The following AK5 variants were observed in gnomAD, a reference collection of about 807,000 sequenced individuals.
The protein encoded by AK5 is adenylate kinase 5, also known as adenylate kinase isoenzyme 5.
AK5 carries 27 observed loss-of-function variants against 69.5 expected under a neutral mutation model. The observed-to-expected ratio is 0.39, with a 90% CI of 0.29 to 0.54. AK5 has a LOEUF of 0.54. AK5 is among the 20% of genes least tolerant of loss of function. The probability of loss-of-function intolerance (pLI) is 0.71; values close to 1 mark genes in which losing one functional copy is unlikely to be tolerated. For missense variants in AK5, 531 were observed against 700.4 expected, an observed-to-expected ratio of 0.76 and a Z score of 2.73; for synonymous variants, 260 against 244.4, an observed-to-expected ratio of 1.06 and a Z score of -0.60.
chr1:77,297,692 T>C lies in AK5; in HGVS notation c.549T>C (p.Ile183=), dbSNP rs1395582229. 1.2e-6 allele frequency: 2 copies of C among 1,613,412 alleles called. No individual in the cohort carries two copies. Among genetic ancestry groups the C allele is most frequent in the Non-Finnish European group, 1.7e-6 (2 of 1,179,806 alleles). Residue 183 remains isoleucine, a synonymous_variant, in exon 4 of 14, where the codon ATT becomes ATC. Coordinates refer to ENST00000354567, the MANE Select transcript of AK5 (RefSeq NM_174858.3). ...STSSNRKWSL[I]AKIITTGELA... is the part of the protein sequence containing the mutation. ...GCAGCAATAGGAAATGGAGTCTTAT[T>C]GCCAAGATAATTACAACTGGAGAAT...
intron 8 of AK5, among the ~76,000 whole-genome samples, chr1:77,458,103 TAAA>T (rs35612924): frequency 4.9e-4 from 63 of 127,638 alleles, no homozygotes; most frequent in East Asian, 8.9e-4. Flanking sequence ...CCCCATTTCT[TAAA>T]AAAAAAAAAA....
In AK5 at chr1:77,367,597, G is replaced by A. The variant is rs530722808; in HGVS notation, c.891+27029G>A. 4.4e-3 allele frequency among the ~76,000 whole-genome samples: 223 copies of A among 50,808 alleles called. 6 individuals carry two copies. Among genetic ancestry groups the A allele is most frequent in the East Asian group, 7.8e-3 (18 of 2,322 alleles). The allele number at this position is 50,808 out of a possible 152,430, so 33.3% of individuals were successfully genotyped here. The stretch of plus-strand genomic sequence containing the variant: ...TATATATAATATATATGTTATATAT[G>A]TAATATATATGTAATATATATGTTA... On this transcript the variant is annotated intron_variant, in intron 6 of 13. Coordinates refer to ENST00000354567, the MANE Select transcript of AK5 (RefSeq NM_174858.3).
chr1:77,289,756 G>A (rs561041445), intron 2 of AK5, among the ~76,000 whole-genome samples: 2 of 151,462 alleles, frequency 1.3e-5, no homozygotes, highest in Admixed American at 6.6e-5. Context: ...CCAGCTACTC[G>A]GGAGGCTGAG....
chr1:77,544,205 A>G (rs1005934134), intron 13 of AK5, among the ~76,000 whole-genome samples: 1 of 152,230 alleles, frequency 6.6e-6, no homozygotes, highest in African/African-American at 2.4e-5. Flanking sequence ...AACTTGCTGT[A>G]TAGAGTGTTT....
intron 8 of AK5, among the ~76,000 whole-genome samples, chr1:77,481,460 G>C (rs892007973): frequency 3.3e-5 from 5 of 152,212 alleles, no homozygotes; most frequent in African/African-American, 1.2e-4. Context: ...TCTGTTAATA[G>C]CTCTTCTCTT....
intron 8 of AK5, among the ~76,000 whole-genome samples, chr1:77,418,128 A>C (rs926040406): frequency 6.6e-5 from 10 of 152,186 alleles, no homozygotes; most frequent in African/African-American, 1.9e-4. Flanking sequence ...GACATACCCA[A>C]GACTGGGCAA....
chr1:77,406,704 G>GAAAAAAAAA (rs752481198), intron 6 of AK5, among the ~76,000 whole-genome samples: 5,826 of 147,126 alleles, frequency 0.04, 181 homozygotes, highest in Admixed American at 0.093. Context: ...CTGATGCTGA[G>GAAAAAAAAA]GAAAAAAAAA....
At chr1:77,552,432 T>G (rs1659868379) in intron 13 of AK5, among the ~76,000 whole-genome samples, 1 of 152,150 alleles carries the variant, frequency 6.6e-6, no homozygotes, top group African/African-American at 2.4e-5. Flanking sequence ...ATACAAATAC[T>G]TGGGTTAAGA....
intron 5 of AK5, among the ~76,000 whole-genome samples, chr1:77,322,841 T>G (rs1010761322): frequency 3.9e-5 from 6 of 152,302 alleles, no homozygotes; most frequent in Admixed American, 3.3e-4. Context: ...GATCCCAAAA[T>G]GCTCTGAGCA....
At chr1:77,443,683 G>GTA (rs1367798074) in intron 8 of AK5, among the ~76,000 whole-genome samples, 16 of 147,250 alleles carry the variant, frequency 1.1e-4, no homozygotes, top group Admixed American at 1.0e-3. Context: ...GAGTCTGTGT[G>GTA]TGTGTGTGTG....
chr1:77,291,927 T>C (rs1658709809), intron 2 of AK5, among the ~76,000 whole-genome samples: 1 of 152,136 alleles, frequency 6.6e-6, no homozygotes, highest in Non-Finnish European at 1.5e-5. Context: ...TTGCAGGAGG[T>C]GGCCTTTAAG....
At chr1:77,486,803 C>A (rs1434063944) in intron 10 of AK5, among the ~76,000 whole-genome samples, 5 of 151,916 alleles carry the variant, frequency 3.3e-5, no homozygotes, top group Non-Finnish European at 5.9e-5. Flanking sequence ...TTATTTCTTT[C>A]ACGTATGCAG....
chr1:77,440,096 G>A (rs1047053025), intron 8 of AK5, among the ~76,000 whole-genome samples: 5 of 151,890 alleles, frequency 3.3e-5, no homozygotes, highest in Non-Finnish European at 7.4e-5. Context: ...ATGTTTTTTC[G>A]TAATGATGAT....
intron 8 of AK5, among the ~76,000 whole-genome samples, chr1:77,474,943 T>C (rs1327535165): frequency 6.6e-6 from 1 of 151,820 alleles, no homozygotes. Flanking sequence ...TAGCTGAAAC[T>C]ATAGGTGTGC....
chr1:77,472,850 C>T (rs1307826441), intron 8 of AK5, among the ~76,000 whole-genome samples: 1 of 136,586 alleles, frequency 7.3e-6, no homozygotes, highest in East Asian at 2.2e-4. Context: ...TTCTAGTTGC[C>T]CACATCCCTT....
intron 6 of AK5, among the ~76,000 whole-genome samples, chr1:77,357,343 G>A (rs1377735): frequency 0.14 from 20,785 of 151,960 alleles, 1,656 homozygotes; most frequent in East Asian, 0.37. Flanking sequence ...CTGTAAAATG[G>A]GAATGAAGGT....
chr1:77,289,749 G>A (rs1260785622), intron 2 of AK5, among the ~76,000 whole-genome samples: 1 of 151,294 alleles, frequency 6.6e-6, no homozygotes, highest in East Asian at 2.0e-4. Flanking sequence ...TGTAGTCCCA[G>A]CTACTCGGGA....
chr1:77,329,941 C>A lies in AK5; in HGVS notation c.700-10436C>A, dbSNP rs114885278. 4.1e-3 allele frequency among the ~76,000 whole-genome samples: 626 copies of A among 152,272 alleles called. 4 individuals are homozygous for A. The highest frequency in any genetic ancestry group is 0.014 in the African/African-American group (601 of 41,556). On this transcript the variant is annotated intron_variant, in intron 5 of 13. Coordinates refer to ENST00000354567, the MANE Select transcript of AK5 (RefSeq NM_174858.3). ...GAGGTCTTCTGAGAATTAAGTCAGG[C>A]AGATCTCACTAGCTGCATAGAAAAA...
intron 6 of AK5, among the ~76,000 whole-genome samples, chr1:77,357,971 CAT>C (rs1301552753): frequency 8.2e-6 from 1 of 122,032 alleles, no homozygotes; most frequent in Non-Finnish European, 1.8e-5. Flanking sequence ...CTTTTTAAAA[CAT>C]GTAATATTTA....
Sources: gnomAD v4.1 joint callset for allele counts (sites outside exome capture counted in the v4.1 genomes callset) on GRCh38, gnomAD v4.1.1 for gene constraint, MANE v1.5 for transcripts, NCBI Gene and HGNC (gene_info 2026-07-23, HGNC 2026-07-21) for gene names.